POU2F1: variants seen among roughly 807,000 people sequenced by gnomAD.
The protein encoded by POU2F1 is POU class 2 homeobox 1.
In POU2F1, 16 loss-of-function variants were observed where a neutral mutation model predicts 84.9. That is an observed-to-expected ratio of 0.19 (90% CI 0.13 to 0.29). The LOEUF (loss-of-function observed/expected upper bound fraction) is 0.29. POU2F1 is among the 10% of genes least tolerant of loss of function. The probability of loss-of-function intolerance (pLI) is 1.00; values close to 1 mark genes in which losing one functional copy is unlikely to be tolerated. For missense variants in POU2F1, 738 were observed against 942.6 expected (o/e 0.78, Z 2.84); for synonymous variants, 368 against 368.3 (o/e 1.00, Z 0.01).
chr1:167,311,951 G>A (rs1655511969), intron 1 of POU2F1, among the ~76,000 whole-genome samples: 1 of 150,542 alleles, frequency 6.6e-6, no homozygotes, highest in Non-Finnish European at 1.5e-5. Flanking sequence ...TTTTGTTTGT[G>A]TGTCTTTTTT....
chr1:167,273,615 T>C (rs1206326717), intron 1 of POU2F1, among the ~76,000 whole-genome samples: 3 of 152,240 alleles, frequency 2.0e-5, no homozygotes, highest in African/African-American at 7.2e-5. Flanking sequence ...CTGGGCCCCT[T>C]TTAGCCACAA....
chr1:167,415,999 A>T lies in POU2F1; in HGVS notation c.*189A>T. 2.9e-6 allele frequency: 2 copies of T among 687,738 alleles called. No individual in the cohort carries two copies. Among genetic ancestry groups the T allele is most frequent in the East Asian group, 5.6e-5 (2 of 35,486 alleles). 42.6% of individuals were successfully genotyped at this position (687,738 alleles called of 1,614,324 possible). On this transcript the variant is annotated 3_prime_UTR_variant, in exon 16 of 16. Coordinates refer to ENST00000367866, the MANE Select transcript of POU2F1 (RefSeq NM_002697.4). ...CACATACCAGAAAAAGAAAGAAAGG[A>T]TGGAGACGGAACATTTGCCTAATTT...
At chr1:167,253,411 T>A (rs1266927278) in intron 1 of POU2F1, among the ~76,000 whole-genome samples, 1 of 139,738 alleles carries the variant, frequency 7.2e-6, no homozygotes, top group Non-Finnish European at 1.5e-5. Flanking sequence ...AGAGTGGAAC[T>A]TGGGATTATA....
chr1:167,361,070 C>T (rs933634551), intron 2 of POU2F1, among the ~76,000 whole-genome samples: 6 of 151,952 alleles, frequency 3.9e-5, no homozygotes, highest in Non-Finnish European at 7.4e-5. Flanking sequence ...ACATTGATTT[C>T]GTATCCTGAG....
intron 1 of POU2F1, among the ~76,000 whole-genome samples, chr1:167,322,151 C>T (rs1656356972): frequency 6.6e-6 from 1 of 152,142 alleles, no homozygotes; most frequent in South Asian, 2.1e-4. Context: ...AGTTATTTCA[C>T]AGGTAGGACA....
At chr1:167,350,920 C>A (rs188099189) in intron 2 of POU2F1, among the ~76,000 whole-genome samples, 76 of 151,946 alleles carry the variant, frequency 5.0e-4, no homozygotes, top group African/African-American at 1.8e-3. Flanking sequence ...ATCGCTTGAA[C>A]CCGGGAGGCC....
At chr1:167,374,080 TC>T (rs775494215) in intron 5 of POU2F1, 27 bp from the exon 6 acceptor site, 1 of 1,612,150 alleles carries the variant, frequency 6.2e-7, no homozygotes, top group East Asian at 2.2e-5. Context: ...TTCAACACTT[TC>T]CCATAATGTG....
At chr1:167,398,962 A>C (rs766158232) in intron 11 of POU2F1, among the ~76,000 whole-genome samples, 3 of 152,150 alleles carry the variant, frequency 2.0e-5, no homozygotes, top group Non-Finnish European at 4.4e-5. Flanking sequence ...AAAAATGAAA[A>C]ACTATAGATA....
intron 7 of POU2F1, among the ~76,000 whole-genome samples, chr1:167,377,062 T>C (rs896452985): frequency 2.0e-5 from 3 of 152,104 alleles, no homozygotes; most frequent in Non-Finnish European, 2.9e-5. Flanking sequence ...TCTTGGAAAA[T>C]GAACAGCATT....
At chr1:167,377,371 G>A (rs1660402557) in intron 7 of POU2F1, among the ~76,000 whole-genome samples, 1 of 152,142 alleles carries the variant, frequency 6.6e-6, no homozygotes, top group Admixed American at 6.5e-5. Flanking sequence ...CAGATCACGA[G>A]GTCAGGAGAT....
intron 1 of POU2F1, among the ~76,000 whole-genome samples, chr1:167,237,883 G>A (rs1347639316): frequency 6.9e-6 from 1 of 145,354 alleles, no homozygotes; most frequent in Admixed American, 7.1e-5. Flanking sequence ...GGGTTCAAGC[G>A]ATTCTCCTGC....
chr1:167,404,303 C>T (rs558921682), intron 13 of POU2F1, among the ~76,000 whole-genome samples: 1 of 151,754 alleles, frequency 6.6e-6, no homozygotes, highest in South Asian at 2.1e-4. Context: ...TGCAAGATTA[C>T]ATTACTTATT....
chr1:167,346,010 A>AG (rs956783605), intron 2 of POU2F1, among the ~76,000 whole-genome samples: 3 of 151,798 alleles, frequency 2.0e-5, no homozygotes, highest in Non-Finnish European at 2.9e-5. Context: ...AAAAAAAAAA[A>AG]AAAAACTTAA....
chr1:167,243,302 A>G (rs975257277), intron 1 of POU2F1, among the ~76,000 whole-genome samples: 7 of 152,214 alleles, frequency 4.6e-5, no homozygotes, highest in African/African-American at 1.7e-4. Flanking sequence ...TAACTGTAAA[A>G]GCCCTTCCTC....
chr1:167,336,688 A>G (rs1361605834), intron 2 of POU2F1, among the ~76,000 whole-genome samples: 1 of 152,222 alleles, frequency 6.6e-6, no homozygotes, highest in African/African-American at 2.4e-5. Context: ...CAGCTACACC[A>G]GCAGACATGA....
chr1:167,235,472 G>A (rs1649380814), intron 1 of POU2F1, among the ~76,000 whole-genome samples: 1 of 152,162 alleles, frequency 6.6e-6, no homozygotes, highest in South Asian at 2.1e-4. Flanking sequence ...TTAGACTATA[G>A]GGGCAAAGCC....
intron 1 of POU2F1, among the ~76,000 whole-genome samples, chr1:167,307,514 T>G (rs1655158576): frequency 6.6e-6 from 1 of 152,068 alleles, no homozygotes; most frequent in African/African-American, 2.4e-5. Context: ...ATCTGTTTCC[T>G]TTTTCTTTCT....
At chr1:167,299,977 T>A (rs1654567051) in intron 1 of POU2F1, among the ~76,000 whole-genome samples, 1 of 152,206 alleles carries the variant, frequency 6.6e-6, no homozygotes. Flanking sequence ...TAAGAGTAGC[T>A]ACTGTGCACT....
chr1:167,391,559 C>CTTT lies in POU2F1; in HGVS notation c.987+1824_987+1826dup, dbSNP rs1175783404. Among the ~76,000 whole-genome samples, 125 of 57,894 alleles carry CTTT rather than the reference C, an allele frequency of 2.2e-3. 16 individuals carry two copies. The highest frequency in any genetic ancestry group is 3.9e-3 in the East Asian group (6 of 1,524). 38.0% of individuals were successfully genotyped at this position (57,894 alleles called of 152,430 possible). On this transcript the variant is annotated intron_variant, in intron 9 of 15. Coordinates refer to ENST00000367866, the MANE Select transcript of POU2F1 (RefSeq NM_002697.4). Reference sequence around the variant, plus strand: ...CATTTATATATATCTTTATATATATCTTTTTTTTTTTTTTTTTTTTTTTTT... The same window carrying CTTT: ...CATTTATATATATCTTTATATATATCTTTTTTTTTTTTTTTTTTTTTTTTTTTT...
Sources: gnomAD v4.1 joint callset for allele counts (sites outside exome capture counted in the v4.1 genomes callset) on GRCh38, gnomAD v4.1.1 for gene constraint, MANE v1.5 for transcripts, NCBI Gene and HGNC (gene_info 2026-07-23, HGNC 2026-07-21) for gene names.